Variants in GAB2 observed in about 807,000 individuals in gnomAD.
GAB2 encodes GRB2 associated binding protein 2.
GAB2 carries 26 observed loss-of-function variants against 65.5 expected under a neutral mutation model. The observed-to-expected ratio is 0.40, with a 90% CI of 0.29 to 0.55. GAB2 has a LOEUF of 0.55. Among genes scored for constraint, GAB2 ranks in the 20% least tolerant of loss-of-function variants. GAB2 has a pLI of 0.53. For synonymous variants in GAB2, 321 were observed against 329.6 expected (o/e 0.97, Z 0.28); for missense variants, 884 against 875.8 (o/e 1.01, Z -0.12).
rs531386780 is a variant in GAB2 at position 78,282,054 on chromosome 11, T to G, written c.76-1153A>C. Among the ~76,000 whole-genome samples the G allele has an allele frequency of 2.6e-5, 4 of 152,360 alleles. No individual in the cohort carries two copies. In the South Asian group the frequency reaches 8.3e-4, roughly 32 times the overall value. ...CTCAGGATTATATTTCCTGTCTTGT[T>G]CATTGATGTTTCCTTAGTCCTTATG... is the stretch of plus-strand genomic sequence containing the variant. On this transcript the variant is annotated intron_variant, in intron 1 of 9. Coordinates refer to ENST00000361507, the MANE Select transcript of GAB2 (RefSeq NM_080491.3).
At chr11:78,394,058 G>A (rs1412790852) in intron 1 of GAB2, among the ~76,000 whole-genome samples, 1 of 152,230 alleles carries the variant, frequency 6.6e-6, no homozygotes, top group Non-Finnish European at 1.5e-5. Flanking sequence ...GGAGGCCGTG[G>A]CAGGCAGATC....
At position 78,410,235 on chromosome 11, in the gene GAB2, G is replaced by A. The variant is rs148108859; in HGVS notation, c.75+7411C>T. On this transcript the variant is annotated intron_variant, in intron 1 of 9. Coordinates refer to ENST00000361507, the MANE Select transcript of GAB2 (RefSeq NM_080491.3). ...AAAAAAATCAGAGGCCAGGTGCAGCGGCTCATGCCTGTAATTGCAGCACTT... is the reference window on the plus strand; with the variant it reads ...AAAAAAATCAGAGGCCAGGTGCAGCAGCTCATGCCTGTAATTGCAGCACTT... Among the ~76,000 whole-genome samples, 22 of 152,334 alleles carry A rather than the reference G, an allele frequency of 1.4e-4. No homozygotes were observed. The East Asian group carries it at 1.7e-3, about 12-fold the overall frequency.
chr11:78,250,080 TA>T, intron 3 of GAB2, 76 bp downstream of exon 3: 3 of 1,472,462 alleles, frequency 2.0e-6, no homozygotes, highest in South Asian at 1.2e-5. Flanking sequence ...TGCTTGTCTT[TA>T]AAAAAGCAAG....
chr11:78,337,158 C>T (rs1056020956), intron 1 of GAB2, among the ~76,000 whole-genome samples: 1 of 152,210 alleles, frequency 6.6e-6, no homozygotes, highest in African/African-American at 2.4e-5. Flanking sequence ...GTTCCAAGAT[C>T]TCAACACATT....
In GAB2 at chr11:78,346,722, A is replaced by ATATATATATTT. The variant is rs1565168352; in HGVS notation, c.76-65822_76-65821insAAATATATATA. 5.2e-4 allele frequency among the ~76,000 whole-genome samples: 16 copies of ATATATATATTT among 30,786 alleles called. 1 individual carries two copies. The highest frequency in any genetic ancestry group is 2.6e-3 in the East Asian group (2 of 760). 20.2% of individuals were successfully genotyped at this position (30,786 alleles called of 152,430 possible). On this transcript the variant is annotated intron_variant, in intron 1 of 9. Coordinates refer to ENST00000361507, the MANE Select transcript of GAB2 (RefSeq NM_080491.3). ...ATATATATATATATATATATATATAATTTTTTTTTTTTTTAGGAAAAGAAA... is the reference window on the plus strand; with the variant it reads ...ATATATATATATATATATATATATAATATATATATTTTTTTTTTTTTTTTTAGGAAAAGAAA...
At chr11:78,349,386 A>G (rs1383995423) in intron 1 of GAB2, among the ~76,000 whole-genome samples, 2 of 152,174 alleles carry the variant, frequency 1.3e-5, no homozygotes, top group Non-Finnish European at 2.9e-5. Context: ...ATCTTACTTA[A>G]TTCTAACACT....
At chr11:78,229,221 A>G (rs1356771630) in intron 3 of GAB2, among the ~76,000 whole-genome samples, 3 of 152,152 alleles carry the variant, frequency 2.0e-5, no homozygotes, top group African/African-American at 7.2e-5. Flanking sequence ...ATGAGCCACA[A>G]CTGGCCAGGC....
At chr11:78,308,265 C>CA (rs1171639397) in intron 1 of GAB2, among the ~76,000 whole-genome samples, 1 of 152,018 alleles carries the variant, frequency 6.6e-6, no homozygotes, top group Non-Finnish European at 1.5e-5. Flanking sequence ...ATTTTAAGCA[C>CA]AGGACGCATA....
Position 78,417,667 on chromosome 11 carries a change from G to T in GAB2, c.54C>A (p.Pro18=). Reference sequence around the variant, plus strand: ...TCACATAGCGCCTCAACTTCTTCTCGGGAGGCGATTTCCTCAGCCAGCCGG... The same window carrying T: ...TCACATAGCGCCTCAACTTCTTCTCTGGAGGCGATTTCCTCAGCCAGCCGG... The part of the protein sequence containing the change: ...VCTGWLRKSP[P]EKKLRRYAWK... The change falls in exon 1 of 10, where the codon CCC becomes CCA. Residue 18 remains proline (P), a synonymous_variant. Coordinates refer to ENST00000361507, the MANE Select transcript of GAB2 (RefSeq NM_080491.3). The T allele has an allele frequency of 7.2e-7, 1 of 1,389,652 alleles. No homozygotes were observed. The highest frequency in any genetic ancestry group is 9.5e-7 in the Non-Finnish European group (1 of 1,048,714). 86.1% of individuals were successfully genotyped at this position (1,389,652 alleles called of 1,614,324 possible).
At chr11:78,310,883 T>G (rs555337807) in intron 1 of GAB2, among the ~76,000 whole-genome samples, 1 of 152,294 alleles carries the variant, frequency 6.6e-6, no homozygotes, top group East Asian at 1.9e-4. Flanking sequence ...TCTAAAAAAA[T>G]AAGAAGACCC....
chr11:78,281,000 C>T, intron 1 of GAB2, 99 bp from the exon 2 acceptor site: 3 of 979,448 alleles, frequency 3.1e-6, no homozygotes, highest in Non-Finnish European at 4.6e-6. Context: ...GTTGCCCAGG[C>T]TGGAGTGCAG....
intron 2 of GAB2, among the ~76,000 whole-genome samples, chr11:78,271,938 T>C (rs924436015): frequency 1.3e-5 from 2 of 152,214 alleles, no homozygotes; most frequent in Non-Finnish European, 2.9e-5. Context: ...TGAATAAGTC[T>C]CTTGAGATCT....
At chr11:78,355,574 G>A (rs1333009627) in intron 1 of GAB2, among the ~76,000 whole-genome samples, 1 of 151,344 alleles carries the variant, frequency 6.6e-6, no homozygotes, top group Non-Finnish European at 1.5e-5. Flanking sequence ...TGCTTTAAGA[G>A]GCTGAGACAG....
At chr11:78,314,838 G>A (rs1855568906) in intron 1 of GAB2, among the ~76,000 whole-genome samples, 1 of 152,178 alleles carries the variant, frequency 6.6e-6, no homozygotes, top group Admixed American at 6.5e-5. Context: ...CAATGCTACT[G>A]GGACGCAGAG....
At chr11:78,391,297 A>T (rs1856831017) in intron 1 of GAB2, among the ~76,000 whole-genome samples, 1 of 152,166 alleles carries the variant, frequency 6.6e-6, no homozygotes, top group South Asian at 2.1e-4. Flanking sequence ...TCTCTAAATT[A>T]AAAAATAAAT....
At chr11:78,375,356 G>C (rs900174458) in intron 1 of GAB2, among the ~76,000 whole-genome samples, 2 of 152,090 alleles carry the variant, frequency 1.3e-5, no homozygotes, top group African/African-American at 4.8e-5. Flanking sequence ...TCTGGGCACA[G>C]CTTAATTAAA....
intron 1 of GAB2, among the ~76,000 whole-genome samples, chr11:78,299,974 T>C (rs774819832): frequency 6.6e-6 from 1 of 152,170 alleles, no homozygotes; most frequent in Non-Finnish European, 1.5e-5. Context: ...AGATATAATT[T>C]AGATAACGTA....
At position 78,313,298 on chromosome 11, in the gene GAB2, C is replaced by T. The variant is rs150520965; in HGVS notation, c.76-32397G>A. 2.9e-3 allele frequency among the ~76,000 whole-genome samples: 443 copies of T among 152,150 alleles called. 2 individuals carry two copies. The highest frequency in any genetic ancestry group is 0.01 in the African/African-American group (423 of 41,500). On this transcript the variant is annotated intron_variant, in intron 1 of 9. Transcript: ENST00000361507. ...ACCACAATAAAGCAAAGACTGAATCCGAATCCTAGACTGTTGAGAATATTA... is the reference window on the plus strand; with the variant it reads ...ACCACAATAAAGCAAAGACTGAATCTGAATCCTAGACTGTTGAGAATATTA...
intron 2 of GAB2, among the ~76,000 whole-genome samples, chr11:78,258,026 G>T (rs904783418): frequency 5.2e-4 from 79 of 152,244 alleles, no homozygotes; most frequent in African/African-American, 1.6e-3. Context: ...GAGGATGGGG[G>T]TCCAGGCCTA....
Sources: allele counts gnomAD v4.1 joint callset (sites outside exome capture counted in the v4.1 genomes callset), GRCh38; gene constraint gnomAD v4.1.1; transcripts MANE v1.5; gene names NCBI Gene and HGNC (gene_info 2026-07-23, HGNC 2026-07-21).